Variants in LMNB1 observed in about 807,000 individuals in gnomAD.
LMNB1 encodes the protein lamin B1.
LMNB1 carries 23 observed loss-of-function variants against 67.1 expected under a neutral mutation model. The ratio of observed to expected loss-of-function variants is 0.34; its 90% confidence interval spans 0.25 to 0.49. The LOEUF is 0.49. Ranked by LOEUF, LMNB1 falls within the 20% of genes least tolerant of loss-of-function variation. LMNB1 has a pLI of 0.99. For missense variants in LMNB1, 634 were observed against 746.5 expected, an observed-to-expected ratio of 0.85 and a Z score of 1.76; for synonymous variants, 281 against 282.9, an observed-to-expected ratio of 0.99 and a Z score of 0.07.
chr5:126,782,699 G>A (rs906023242), intron 1 of LMNB1, among the ~76,000 whole-genome samples: 2 of 151,696 alleles, frequency 1.3e-5, no homozygotes, highest in African/African-American at 4.8e-5. Context: ...ACAGGCACCC[G>A]CCACCACGCC....
At chr5:126,800,975 A>AATTTT (rs1561742516) in intron 1 of LMNB1, among the ~76,000 whole-genome samples, 22 of 38,500 alleles carry the variant, frequency 5.7e-4, no homozygotes, top group South Asian at 1.1e-3. Context: ...ATATATATAT[A>AATTTT]TATATAATTT....
At chr5:126,813,805 C>T (rs1038696978) in intron 5 of LMNB1, among the ~76,000 whole-genome samples, 1 of 152,226 alleles carries the variant, frequency 6.6e-6, no homozygotes, top group African/African-American at 2.4e-5. Context: ...GGCCCTACCT[C>T]TTAATATCAT....
chr5:126,788,222 G>T (rs1750858951), intron 1 of LMNB1, among the ~76,000 whole-genome samples: 1 of 152,296 alleles, frequency 6.6e-6, no homozygotes, highest in East Asian at 1.9e-4. Flanking sequence ...TGAATTAGTG[G>T]TGTTTGCCGG....
At chr5:126,836,053 C>G (rs1017680367) in intron 10 of LMNB1, among the ~76,000 whole-genome samples, 170 bp from the exon 11 acceptor site, 3 of 151,228 alleles carry the variant, frequency 2.0e-5, no homozygotes, top group Admixed American at 2.0e-4. Flanking sequence ...CTCAAACAAA[C>G]AAAGAAAAAG....
chr5:126,785,291 A>G (rs1399440738), intron 1 of LMNB1, among the ~76,000 whole-genome samples: 1 of 128,296 alleles, frequency 7.8e-6, no homozygotes, highest in Non-Finnish European at 1.7e-5. Flanking sequence ...CTGCCTAAAA[A>G]TTAATTTTTT....
chr5:126,822,681 C>A, intron 7 of LMNB1, 100 bp from the exon 8 acceptor site: 1 of 624,246 alleles, frequency 1.6e-6, no homozygotes, highest in South Asian at 2.2e-5. Flanking sequence ...GACCATAAAG[C>A]GGTCTTAGTT....
intron 5 of LMNB1, 143 bp downstream of exon 5, chr5:126,812,041 A>T: frequency 1.4e-6 from 1 of 721,574 alleles, no homozygotes; most frequent in Admixed American, 2.8e-5. Context: ...TCTTCACAGT[A>T]CTTTTCTAGA....
In LMNB1 at chr5:126,792,142, CTT is replaced by C. The variant is rs5871231; in HGVS notation, c.360-12618_360-12617del. ...TGTCTAAATTTGATGGATTTGGTTC[CTT>C]TTTTTTTTTTTTTTTGGAGACAGAG... On this transcript the variant is annotated intron_variant, in intron 1 of 10. Transcript: ENST00000261366. 4.5e-3 allele frequency among the ~76,000 whole-genome samples: 554 copies of C among 123,044 alleles called. 5 individuals carry two copies. Among genetic ancestry groups the C allele is most frequent in the African/African-American group, 0.012 (412 of 33,416 alleles). 80.7% of individuals were successfully genotyped at this position (123,044 alleles called of 152,430 possible). A position where few individuals can be genotyped will look rare whatever the true frequency, so the allele number is the denominator to read the frequency against.
chr5:126,781,033 C>T (rs1439669257), intron 1 of LMNB1, among the ~76,000 whole-genome samples: 1 of 152,144 alleles, frequency 6.6e-6, no homozygotes, highest in East Asian at 1.9e-4. Flanking sequence ...TGGCTCACAC[C>T]TGTAAAGCAC....
Position 126,799,304 on chromosome 5 carries a change from G to A in LMNB1, c.360-5472G>A, listed in dbSNP as rs560864620. Among the ~76,000 whole-genome samples, 12 of 152,316 alleles carry A rather than the reference G, an allele frequency of 7.9e-5. No homozygotes were observed. The East Asian group carries it at 1.5e-3, about 20-fold the overall frequency. The stretch of plus-strand genomic sequence containing the variant: ...TGGGATTACAGGCGTGAGCCACCGC[G>A]CCCGGCCGCGATGCATTGACTTTTT... On this transcript the variant is annotated intron_variant, in intron 1 of 10. Transcript: ENST00000261366.
At chr5:126,798,834 G>A (rs150664199) in intron 1 of LMNB1, among the ~76,000 whole-genome samples, 83 of 151,950 alleles carry the variant, frequency 5.5e-4, no homozygotes, top group Middle Eastern at 3.4e-3. Context: ...AGTTTTCTGT[G>A]CAGAAGATGT....
chr5:126,804,665 A>ATGG (rs1751371557), intron 1 of LMNB1, 111 bp from the exon 2 acceptor site: 4 of 946,442 alleles, frequency 4.2e-6, no homozygotes, highest in Non-Finnish European at 6.1e-6. Context: ...TTGATAGGTG[A>ATGG]TGGGAGCCTT....
chr5:126,831,313 C>A (rs905546257), intron 9 of LMNB1, among the ~76,000 whole-genome samples: 1 of 152,238 alleles, frequency 6.6e-6, no homozygotes, highest in Non-Finnish European at 1.5e-5. Context: ...AGGACACACT[C>A]ATTTACTTGC....
rs1429153542 is a variant in LMNB1 at position 126,829,661 on chromosome 5, G to A, written c.1612-3033G>A. Among the ~76,000 whole-genome samples, 5 of 151,892 alleles carry A rather than the reference G, an allele frequency of 3.3e-5. No homozygotes were observed. In the East Asian group the frequency reaches 9.7e-4, roughly 30 times the overall value. ...TCTGATATTGAGTGTTTGAATTATG[G>A]AGGGAAGCTAAACTTCATCCCCTGT... On this transcript the variant is annotated intron_variant, in intron 9 of 10. Transcript: ENST00000261366.
intron 5 of LMNB1, among the ~76,000 whole-genome samples, chr5:126,815,616 G>T (rs1484333795): frequency 2.0e-5 from 3 of 152,056 alleles, no homozygotes; most frequent in Non-Finnish European, 2.9e-5. Context: ...TAGGGTTAGT[G>T]GCAAGATCTG....
intron 1 of LMNB1, among the ~76,000 whole-genome samples, chr5:126,781,540 G>A (rs938503613): frequency 9.9e-5 from 15 of 151,762 alleles, no homozygotes; most frequent in African/African-American, 1.7e-4. Context: ...AGGTTCAAGC[G>A]ATGCTCTTGA....
chr5:126,801,090 T>C (rs1751277458), intron 1 of LMNB1, among the ~76,000 whole-genome samples: 1 of 145,954 alleles, frequency 6.9e-6, no homozygotes, highest in East Asian at 2.0e-4. Context: ...ATCAAGTGAT[T>C]CTCCCGCCTC....
At chr5:126,817,500 C>G (rs1349511639) in intron 5 of LMNB1, among the ~76,000 whole-genome samples, 1 of 152,078 alleles carries the variant, frequency 6.6e-6, no homozygotes, top group Non-Finnish European at 1.5e-5. Context: ...CTTTTTCTGT[C>G]TAATCATTTG....
At chr5:126,827,550 A>G (rs1274247533) in intron 9 of LMNB1, among the ~76,000 whole-genome samples, 1 of 152,172 alleles carries the variant, frequency 6.6e-6, no homozygotes, top group Non-Finnish European at 1.5e-5. Flanking sequence ...AGTCCAGGCT[A>G]CTCAGGAAGC....
Sources: allele counts gnomAD v4.1 joint callset (sites outside exome capture counted in the v4.1 genomes callset), GRCh38; gene constraint gnomAD v4.1.1; transcripts MANE v1.5; gene names NCBI Gene and HGNC (gene_info 2026-07-23, HGNC 2026-07-21).